Variants in PTPRR observed in about 807,000 individuals in gnomAD.
The protein encoded by PTPRR is protein tyrosine phosphatase receptor type R, also known as receptor-type tyrosine-protein phosphatase R.
A neutral mutation model predicts 77.2 loss-of-function variants in PTPRR; 38 were observed. The observed-to-expected ratio is 0.49, with a 90% confidence interval of 0.38 to 0.65. The LOEUF (loss-of-function observed/expected upper bound fraction) is 0.65. Among genes scored for constraint, PTPRR ranks in the 30% least tolerant of loss-of-function variants. The pLI is 0.00. For synonymous variants in PTPRR, 299 were observed against 283.1 expected, an observed-to-expected ratio of 1.06 and a Z score of -0.57; for missense variants, 744 against 799.2, an observed-to-expected ratio of 0.93 and a Z score of 0.83.
chr12:70,711,711 A>G (rs1417593787), intron 6 of PTPRR, among the ~76,000 whole-genome samples: 1 of 152,144 alleles, frequency 6.6e-6, no homozygotes, highest in Non-Finnish European at 1.5e-5. Context: ...ATTCACAAAG[A>G]AAATTTTTAC....
At chr12:70,815,549 T>A (rs1351647073) in intron 2 of PTPRR, among the ~76,000 whole-genome samples, 1 of 152,154 alleles carries the variant, frequency 6.6e-6, no homozygotes, top group Non-Finnish European at 1.5e-5. Context: ...ACTGTCATAA[T>A]TGAGTTTACC....
chr12:70,771,137 T>C (rs1890964627), intron 2 of PTPRR, among the ~76,000 whole-genome samples: 1 of 149,238 alleles, frequency 6.7e-6, no homozygotes, highest in Non-Finnish European at 1.5e-5. Flanking sequence ...ACATGTACCC[T>C]AAAACTTAAA....
chr12:70,710,817 A>T (rs1327223072), intron 6 of PTPRR, among the ~76,000 whole-genome samples: 1 of 152,212 alleles, frequency 6.6e-6, no homozygotes, highest in East Asian at 1.9e-4. Flanking sequence ...ATCACTGATA[A>T]TTAGAGAAAC....
Position 70,920,334 on chromosome 12 carries a change from T to C in PTPRR, c.57A>G (p.Ala19=). The part of the protein sequence containing the change: ...ALCLLLNLHA[A]GCFSGNNDHF... ...GCTCTAAGCCTGGCAACCCCTTACC[T>C]GCAGCGTGAAGATTAAGGAGCAGGC... is the stretch of plus-strand genomic sequence containing the variant. Residue 19 remains alanine, a splice_region_variant and synonymous_variant, in exon 1 of 14, where the codon GCA becomes GCG. Transcript: ENST00000283228. The C allele has an allele frequency of 6.2e-7, 1 of 1,613,524 alleles. No individual in the cohort carries two copies. The highest frequency in any genetic ancestry group is 8.5e-7 in the Non-Finnish European group (1 of 1,179,646).
chr12:70,846,816 C>T (rs141023064), intron 2 of PTPRR, among the ~76,000 whole-genome samples: 332 of 152,272 alleles, frequency 2.2e-3, no homozygotes, highest in Middle Eastern at 6.8e-3. Context: ...TTAAAAGCTA[C>T]TTGGTTTAGT....
chr12:70,776,966 C>A (rs1332198440), intron 2 of PTPRR, among the ~76,000 whole-genome samples: 1 of 152,102 alleles, frequency 6.6e-6, no homozygotes, highest in African/African-American at 2.4e-5. Flanking sequence ...GCCCTTCATC[C>A]TAATCCGCAG....
At chr12:70,790,431 T>C (rs994820368) in intron 2 of PTPRR, among the ~76,000 whole-genome samples, 2 of 152,146 alleles carry the variant, frequency 1.3e-5, no homozygotes, top group Non-Finnish European at 2.9e-5. Flanking sequence ...TAGTTTTTCT[T>C]CTCATTGGCC....
chr12:70,817,764 G>A (rs986162439), intron 2 of PTPRR, among the ~76,000 whole-genome samples: 1 of 152,200 alleles, frequency 6.6e-6, no homozygotes, highest in Non-Finnish European at 1.5e-5. Context: ...GTCAATAAGA[G>A]ATACATTTGA....
At chr12:70,882,360 C>G (rs34535644) in intron 2 of PTPRR, among the ~76,000 whole-genome samples, 1 of 152,060 alleles carries the variant, frequency 6.6e-6, no homozygotes, top group Admixed American at 6.6e-5. Flanking sequence ...AATCTGTATC[C>G]TAAGTCACTA....
At chr12:70,721,091 A>G (rs1259554949) in intron 6 of PTPRR, among the ~76,000 whole-genome samples, 1 of 152,206 alleles carries the variant, frequency 6.6e-6, no homozygotes, top group East Asian at 1.9e-4. Context: ...CCTAAAAGAA[A>G]TGTGTTGCAG....
At chr12:70,763,848 T>A (rs537006231) in intron 3 of PTPRR, among the ~76,000 whole-genome samples, 1 of 152,320 alleles carries the variant, frequency 6.6e-6, no homozygotes, top group South Asian at 2.1e-4. Context: ...ATTTACTTTT[T>A]TTTTGGCCTT....
intron 10 of PTPRR, among the ~76,000 whole-genome samples, chr12:70,675,490 C>T (rs898673173): frequency 2.6e-5 from 4 of 151,850 alleles, no homozygotes; most frequent in African/African-American, 9.7e-5. Flanking sequence ...GCATATTTAC[C>T]TAAAAGTCTA....
intron 13 of PTPRR, among the ~76,000 whole-genome samples, chr12:70,642,813 C>T (rs17108503): frequency 0.084 from 12,770 of 152,158 alleles, 787 homozygotes; most frequent in Admixed American, 0.15. Context: ...ATAATCATCT[C>T]TGAAAATATT....
intron 1 of PTPRR, among the ~76,000 whole-genome samples, 174 bp downstream of exon 1, chr12:70,920,159 G>A (rs1893834709): frequency 6.6e-6 from 1 of 152,076 alleles, no homozygotes; most frequent in Non-Finnish European, 1.5e-5. Context: ...TAAGTTTTCG[G>A]CCTCAGTTTT....
intron 6 of PTPRR, among the ~76,000 whole-genome samples, chr12:70,736,603 G>C (rs1889869938): frequency 6.6e-6 from 1 of 152,176 alleles, no homozygotes; most frequent in Non-Finnish European, 1.5e-5. Flanking sequence ...CTAAGGAGGG[G>C]ATAAAAAGTC....
intron 2 of PTPRR, among the ~76,000 whole-genome samples, chr12:70,880,048 T>C (rs572368349): frequency 5.3e-5 from 8 of 152,266 alleles, no homozygotes; most frequent in African/African-American, 1.9e-4. Flanking sequence ...AAAAGTATAA[T>C]CACCAGCCAA....
intron 13 of PTPRR, among the ~76,000 whole-genome samples, chr12:70,645,278 G>A (rs1886155500): frequency 6.6e-6 from 1 of 152,172 alleles, no homozygotes; most frequent in Admixed American, 6.6e-5. Flanking sequence ...CACTGGCCTG[G>A]CTAATAAGGT....
chr12:70,825,206 A>G (rs1273829913), intron 2 of PTPRR, among the ~76,000 whole-genome samples: 3 of 152,194 alleles, frequency 2.0e-5, no homozygotes, highest in African/African-American at 7.2e-5. Context: ...TGAACCCAGG[A>G]GGTGGAGGTT....
intron 2 of PTPRR, among the ~76,000 whole-genome samples, chr12:70,839,000 C>T (rs1053922865): frequency 3.9e-5 from 6 of 152,136 alleles, no homozygotes; most frequent in Admixed American, 6.6e-5. Flanking sequence ...AACTAAATTC[C>T]GGCTAATGAG....
Sources: allele counts gnomAD v4.1 joint callset (sites outside exome capture counted in the v4.1 genomes callset), GRCh38; gene constraint gnomAD v4.1.1; transcripts MANE v1.5; gene names NCBI Gene and HGNC (gene_info 2026-07-23, HGNC 2026-07-21).